Variants in TGFBR3 observed in about 807,000 individuals in gnomAD.
TGFBR3 encodes transforming growth factor beta receptor type 3.
A neutral mutation model predicts 87.9 loss-of-function variants in TGFBR3; 46 were observed. The ratio of observed to expected loss-of-function variants is 0.52; its 90% CI spans 0.41 to 0.67. TGFBR3 has a LOEUF of 0.67. TGFBR3 is among the 30% of genes least tolerant of loss of function. The pLI, the probability that TGFBR3 is intolerant of heterozygous loss-of-function variation, is 0.00. For synonymous variants in TGFBR3, 381 were observed against 391.6 expected, an observed-to-expected ratio of 0.97 and a Z score of 0.32; for missense variants, 866 against 1,041.9, an observed-to-expected ratio of 0.83 and a Z score of 2.32.
chr1:91,861,582 GCA>G lies in TGFBR3; in HGVS notation c.-53_-52del. The G allele has an allele frequency of 7.0e-7, 1 of 1,433,960 alleles. No individual in the cohort carries two copies. The highest frequency in any genetic ancestry group is 9.8e-7 in the Non-Finnish European group (1 of 1,016,186). 88.8% of individuals were successfully genotyped at this position (1,433,960 alleles called of 1,614,324 possible). On this transcript the variant is annotated 5_prime_UTR_variant, in exon 2 of 17. Transcript: ENST00000212355. The stretch of plus-strand genomic sequence containing the variant: ...GTCCAGTCACTTCAGCCTGCTCAGA[GCA>G]CAGACAATCTTTGCAAATCAGAAGT...
At chr1:91,894,896 G>C (rs191139974) in intron 2 of TGFBR3, among the ~76,000 whole-genome samples, 2 of 152,032 alleles carry the variant, frequency 1.3e-5, no homozygotes, top group African/African-American at 4.8e-5. Flanking sequence ...TCAGCCTCCC[G>C]AGTAGCTGGG....
intron 4 of TGFBR3, 131 bp from the exon 5 acceptor site, chr1:91,735,090 GT>G: frequency 9.2e-7 from 1 of 1,083,242 alleles, no homozygotes. Flanking sequence ...GCAGATCAGC[GT>G]TTTTAAGCAG....
intron 2 of TGFBR3, among the ~76,000 whole-genome samples, chr1:91,849,061 G>T (rs565090086): frequency 6.6e-6 from 1 of 152,214 alleles, no homozygotes; most frequent in South Asian, 2.1e-4. Flanking sequence ...AATTACAAAA[G>T]CATCATTCTG....
At chr1:91,875,838 G>A (rs1678779871) in intron 1 of TGFBR3, among the ~76,000 whole-genome samples, 1 of 135,470 alleles carries the variant, frequency 7.4e-6, no homozygotes, top group Admixed American at 7.8e-5. Context: ...TTGAACCCAG[G>A]AGGCGGAGAC....
At chr1:91,814,238 T>TAC (rs892901032) in intron 2 of TGFBR3, among the ~76,000 whole-genome samples, 5 of 152,060 alleles carry the variant, frequency 3.3e-5, no homozygotes, top group Admixed American at 6.6e-5. Flanking sequence ...TATGTATATA[T>TAC]ACACACACAC....
At chr1:91,890,356 A>G (rs1679417220), upstream of TGFBR3, among the ~76,000 whole-genome samples, 1 of 150,680 alleles carries the variant, frequency 6.6e-6, no homozygotes, top group Non-Finnish European at 1.5e-5. Context: ...TTAATCAGAT[A>G]AAGTCTAAAA....
intron 2 of TGFBR3, among the ~76,000 whole-genome samples, chr1:91,844,495 G>A (rs140241377): frequency 8.2e-4 from 125 of 152,322 alleles, no homozygotes; most frequent in African/African-American, 3.0e-3. Context: ...ATGAATGGGT[G>A]TACCATGTTC....
Position 91,861,619 on chromosome 1 carries a change from G to T in TGFBR3, c.-88C>A, listed in dbSNP as rs960741426. ...TTTGCAAATCAGAAGTAGTCTTAAA[G>T]TCCCTCCTTGCAATTTTCAAACTGC... is the stretch of plus-strand genomic sequence containing the variant. On this transcript the variant is annotated 5_prime_UTR_variant, in exon 2 of 17. Transcript: ENST00000212355. The T allele has an allele frequency of 5.9e-6, 6 of 1,021,062 alleles. No individual in the cohort carries two copies. The highest frequency in any genetic ancestry group is 1.6e-5 in the African/African-American group (1 of 63,218). The allele number at this position is 1,021,062 out of a possible 1,614,324, so 63.3% of individuals were successfully genotyped here. A position where few individuals can be genotyped will look rare whatever the true frequency, so the allele number is the denominator to read the frequency against.
intron 2 of TGFBR3, among the ~76,000 whole-genome samples, chr1:91,852,635 C>A (rs572962463): frequency 2.6e-5 from 4 of 152,086 alleles, no homozygotes; most frequent in Non-Finnish European, 5.9e-5. Context: ...GGCGCCATCT[C>A]GGCTCACCGC....
At chr1:91,901,000 A>G (rs577438265) in intron 1 of TGFBR3, among the ~76,000 whole-genome samples, 15 of 152,346 alleles carry the variant, frequency 9.8e-5, no homozygotes, top group African/African-American at 3.6e-4. Flanking sequence ...ACCTGGGACT[A>G]TAGGCATACA....
At chr1:91,790,588 G>A (rs1241566033) in intron 3 of TGFBR3, among the ~76,000 whole-genome samples, 3 of 152,156 alleles carry the variant, frequency 2.0e-5, no homozygotes, top group South Asian at 2.1e-4. Context: ...GCTTATATGC[G>A]GAATGTATTT....
chr1:91,886,917 T>C (rs568347374), upstream of TGFBR3, among the ~76,000 whole-genome samples: 1 of 152,242 alleles, frequency 6.6e-6, no homozygotes, highest in Admixed American at 6.5e-5. Context: ...TACCTGTGCC[T>C]GTGCGACGTC....
intron 14 of TGFBR3, among the ~76,000 whole-genome samples, chr1:91,699,288 G>C (rs1201705578): frequency 1.3e-5 from 2 of 152,004 alleles, no homozygotes; most frequent in Admixed American, 6.6e-5. Context: ...CATTTTCTCT[G>C]GGGGACCTTT....
At chr1:91,702,984 G>A (rs1284992638) in intron 14 of TGFBR3, among the ~76,000 whole-genome samples, 1 of 152,110 alleles carries the variant, frequency 6.6e-6, no homozygotes, top group Non-Finnish European at 1.5e-5. Flanking sequence ...GGCGGAGGTT[G>A]CAGTGAGCCG....
intron 2 of TGFBR3, among the ~76,000 whole-genome samples, chr1:91,852,231 G>T (rs1476946145): frequency 1.3e-5 from 2 of 151,974 alleles, no homozygotes; most frequent in Admixed American, 6.6e-5. Context: ...GGGCAACAGA[G>T]TGAGACCCTG....
intron 16 of TGFBR3, among the ~76,000 whole-genome samples, chr1:91,694,200 C>T (rs931499902): frequency 6.6e-6 from 1 of 152,160 alleles, no homozygotes; most frequent in African/African-American, 2.4e-5. Flanking sequence ...ACTATGTTGC[C>T]CAGGCTGGTC....
chr1:91,857,963 A>C (rs752728553), intron 2 of TGFBR3, among the ~76,000 whole-genome samples: 8 of 152,228 alleles, frequency 5.3e-5, no homozygotes, highest in Non-Finnish European at 2.9e-5. Flanking sequence ...AAATCAATAT[A>C]GTAGAGAGGC....
chr1:91,797,138 G>C (rs1277852257), intron 3 of TGFBR3, 149 bp downstream of exon 3: 2 of 934,084 alleles, frequency 2.1e-6, no homozygotes, highest in Non-Finnish European at 3.5e-6. Context: ...GCCCAATCCA[G>C]ACAGCAGCTG....
chr1:91,787,582 T>C (rs1034237231), intron 3 of TGFBR3, among the ~76,000 whole-genome samples: 1 of 152,054 alleles, frequency 6.6e-6, no homozygotes, highest in African/African-American at 2.4e-5. Flanking sequence ...TTTTTGGAGT[T>C]GTAAGCAAGG....
Sources: gnomAD v4.1 joint callset for allele counts (sites outside exome capture counted in the v4.1 genomes callset) on GRCh38, gnomAD v4.1.1 for gene constraint, MANE v1.5 for transcripts, NCBI Gene and HGNC (gene_info 2026-07-23, HGNC 2026-07-21) for gene names.